ERCC5: variants seen among roughly 807,000 people sequenced by gnomAD.
The protein encoded by ERCC5 is ERCC excision repair 5, endonuclease, also known as DNA excision repair protein ERCC-5.
ERCC5 carries 68 observed loss-of-function variants against 105.6 expected under a neutral mutation model. That is an observed-to-expected ratio of 0.64 (90% CI 0.53 to 0.79). The LOEUF (loss-of-function observed/expected upper bound fraction) is 0.79, where lower values mean the gene tolerates loss of function less well. ERCC5 is among the 30% of genes least tolerant of loss of function. ERCC5 has a pLI of 0.00. For synonymous variants in ERCC5, 546 were observed against 526.2 expected (o/e 1.04, Z -0.51); for missense variants, 1,373 against 1,426.7 (o/e 0.96, Z 0.61).
At chr13:102,858,798 T>G in intron 6 of ERCC5, 1 of 428,500 alleles carries the variant, frequency 2.3e-6, no homozygotes, top group South Asian at 1.7e-5. Context: ...GACTCAATTC[T>G]TAGGTTAGGT....
At chr13:102,852,431 A>G (rs144578119) in intron 2 of ERCC5, 138 bp downstream of exon 2, 2 of 962,652 alleles carry the variant, frequency 2.1e-6, no homozygotes, top group African/African-American at 1.7e-5. Flanking sequence ...AATTACATCT[A>G]CTTTTTTATC....
At chr13:102,854,247 AG>A (rs1595377932) in intron 3 of ERCC5, 40 bp from the exon 4 acceptor site, 1 of 1,604,994 alleles carries the variant, frequency 6.2e-7, no homozygotes, top group East Asian at 2.2e-5. Context: ...CATCCTGAGC[AG>A]GGTCTGCATA....
chr13:102,856,595 T>G (rs1232726130), intron 5 of ERCC5, among the ~76,000 whole-genome samples: 1 of 152,252 alleles, frequency 6.6e-6, no homozygotes, highest in Non-Finnish European at 1.5e-5. Context: ...TGTAACTTAG[T>G]GGTTAAAACA....
intron 1 of ERCC5, among the ~76,000 whole-genome samples, chr13:102,847,683 GTTTTGT>G (rs1183409398): frequency 6.6e-6 from 1 of 152,102 alleles, no homozygotes; most frequent in Non-Finnish European, 1.5e-5. Context: ...GTTTTGTTTT[GTTTTGT>G]TTTTTGTTTT....
rs1386839345 is a variant in ERCC5 at position 102,846,339 on chromosome 13, A to G, written c.73A>G (p.Lys25Glu). 1.2e-6 allele frequency: 2 copies of G among 1,613,934 alleles called. No homozygotes were observed. The highest frequency in any genetic ancestry group is 1.7e-6 in the Non-Finnish European group (2 of 1,179,990). Residue 25 changes from lysine (K) to glutamate (E), a missense_variant, in exon 1 of 15, where the codon AAG (lysine) becomes GAG (glutamate). Physicochemically the swap from Lys to Glu is moderately conservative, Grantham distance 56. Around this residue, in one of 3 missense-constraint regions of ERCC5, gnomAD observed 1,004 missense variants for 1,059.7 expected, o/e 0.95. Coordinates refer to ENST00000652225, the MANE Select transcript of ERCC5 (RefSeq NM_000123.4). Reference protein sequence around the residue: ...RQVSPEALEGKILAVDISIWL... With the variant: ...RQVSPEALEGEILAVDISIWL... ...GGTCAGCCCCGAAGCGCTGGAAGGG[A>G]AGATCCTGGCTGTTGGTATCCTTAA...
intron 1 of ERCC5, among the ~76,000 whole-genome samples, chr13:102,851,204 A>G (rs1308517666): frequency 6.6e-6 from 1 of 152,196 alleles, no homozygotes; most frequent in African/African-American, 2.4e-5. Flanking sequence ...ACTATCTTTA[A>G]TAATATTTAA....
At chr13:102,855,903 C>G (rs995567438) in intron 4 of ERCC5, 149 bp from the exon 5 acceptor site, 5 of 764,918 alleles carry the variant, frequency 6.5e-6, no homozygotes, top group Admixed American at 2.1e-5. Context: ...ACACGTGTCC[C>G]CCACCAGACC....
chr13:102,866,260 A>T lies in ERCC5; in HGVS notation c.2200-2A>T, dbSNP rs1178970285. The T allele has an allele frequency of 6.2e-7, 1 of 1,614,154 alleles. No homozygotes were observed. Among genetic ancestry groups the T allele is most frequent in the South Asian group, 1.1e-5 (1 of 91,066 alleles). ...ATCTATAAATGAAAAAACATTTTAT[A>T]GGAGGAGTTGGAAACTCTGGAGAGC... On this transcript the variant is annotated splice_acceptor_variant, in intron 9 of 14. Transcript: ENST00000652225. LOFTEE classifies it high-confidence loss of function.
intron 7 of ERCC5, 48 bp downstream of exon 7, chr13:102,861,762 T>C (rs1882628487): frequency 6.2e-7 from 1 of 1,603,814 alleles, no homozygotes; most frequent in Middle Eastern, 1.7e-4. Flanking sequence ...ATCAAAGATA[T>C]ATCATGACTC....
In ERCC5 at chr13:102,875,424, G is replaced by T; in HGVS notation, c.3082G>T (p.Glu1028Ter). 1 of 1,614,230 alleles carries T rather than the reference G, an allele frequency of 6.2e-7. No individual in the cohort carries two copies. The highest frequency in any genetic ancestry group is 8.5e-7 in the Non-Finnish European group (1 of 1,180,032). Residue 1028 changes from glutamate (E) to a stop codon, truncating the protein, a stop_gained, in exon 15 of 15, where the codon GAA (glutamate) becomes TAA (stop). Transcript: ENST00000652225. LOFTEE classifies it low-confidence loss of function (END_TRUNC). ...GACATGTATGCTAAGGAAAGAGAAA[G>T]AAGCAGCAGCCAGCGAAATAGAAGC... ...AVTCMLRKEK[E>*]AAASEIEAVS... is the part of the protein sequence containing the mutation.
chr13:102,870,515 A>G (rs1319007691), intron 12 of ERCC5, among the ~76,000 whole-genome samples: 1 of 152,106 alleles, frequency 6.6e-6, no homozygotes, highest in Non-Finnish European at 1.5e-5. Flanking sequence ...CTCCTGCTTG[A>G]AGGAGTAACC....
Position 102,846,275 on chromosome 13 carries a change from C to A in ERCC5, c.9C>A (p.Val3=). The A allele has an allele frequency of 6.2e-7, 1 of 1,613,476 alleles. No individual in the cohort carries two copies. The highest frequency in any genetic ancestry group is 8.5e-7 in the Non-Finnish European group (1 of 1,179,776). Residue 3 remains valine, a synonymous_variant, in exon 1 of 15, where the codon GTC becomes GTA. Coordinates refer to ENST00000652225, the MANE Select transcript of ERCC5 (RefSeq NM_000123.4). The part of the protein sequence containing the change: MG[V]QGLWKLLECS... The stretch of plus-strand genomic sequence containing the variant: ...TAGGACGCAGCCGCCTCATGGGGGT[C>A]CAGGGGCTCTGGAAGCTGCTGGAGT...
chr13:102,866,208 C>T, intron 9 of ERCC5, 54 bp from the exon 10 acceptor site: 2 of 1,605,630 alleles, frequency 1.2e-6, no homozygotes, highest in Non-Finnish European at 1.7e-6. Flanking sequence ...TTTTTGTAAA[C>T]AAAACTCATT....
At chr13:102,863,953 T>A (rs1012791330) in intron 8 of ERCC5, among the ~76,000 whole-genome samples, 1 of 152,146 alleles carries the variant, frequency 6.6e-6, no homozygotes, top group Admixed American at 6.5e-5. Flanking sequence ...TCTATTAAGA[T>A]GGTGGTTTTT....
At chr13:102,871,154 C>T (rs1261544987) in intron 12 of ERCC5, among the ~76,000 whole-genome samples, 1 of 152,146 alleles carries the variant, frequency 6.6e-6, no homozygotes, top group Non-Finnish European at 1.5e-5. Flanking sequence ...GCTTCGGCCT[C>T]GGGGCCTGGG....
In ERCC5 at chr13:102,852,853, C is replaced by T. The variant is rs541686039; in HGVS notation, c.264+560C>T. Among the ~76,000 whole-genome samples the T allele has an allele frequency of 5.3e-5, 8 of 152,122 alleles. No homozygotes were observed. The South Asian group carries it at 1.7e-3, about 32-fold the overall frequency. ...AGTTTTAAAAAATGTTTTTGGAAGG[C>T]CGGGGGCAGGAGGATTGCTTGAGCC... On this transcript the variant is annotated intron_variant, in intron 2 of 14. Coordinates refer to ENST00000652225, the MANE Select transcript of ERCC5 (RefSeq NM_000123.4).
rs2140526882 is a variant in ERCC5, at chr13:102,862,092, C to T, written c.943C>T (p.His315Tyr). 6.2e-7 allele frequency: 1 copy of T among 1,614,214 alleles called. No homozygotes were observed. ...SESLPSSSKM[H>Y]GMSFDVKSSP... ...GTCTCTTCCTTCTTCCAGCAAAATG[C>T]ACGGCATGTCTTTTGACGTGAAGTC... The change falls in exon 8 of 15, where the codon CAC (histidine) becomes TAC (tyrosine). Residue 315 changes from histidine to tyrosine, a missense_variant. Around this residue, in one of 3 missense-constraint regions of ERCC5, gnomAD observed 1,004 missense variants for 1,059.7 expected, o/e 0.95. Transcript: ENST00000652225.
chr13:102,871,269 G>C (rs1883022299), intron 12 of ERCC5, among the ~76,000 whole-genome samples: 1 of 152,232 alleles, frequency 6.6e-6, no homozygotes. Context: ...GGCACGGCTT[G>C]AGTCACACTG....
intron 12 of ERCC5, among the ~76,000 whole-genome samples, chr13:102,870,079 G>C (rs1447711722): frequency 6.6e-6 from 1 of 152,206 alleles, no homozygotes; most frequent in Non-Finnish European, 1.5e-5. Context: ...AGTAAAATCA[G>C]AATGTGGCCT....
Sources: allele counts gnomAD v4.1 joint callset (sites outside exome capture counted in the v4.1 genomes callset), GRCh38; gene constraint gnomAD v4.1.1; regional missense constraint gnomAD v4.1.1; transcripts MANE v1.5; gene names NCBI Gene and HGNC (gene_info 2026-07-23, HGNC 2026-07-21).